The following POMGNT1 variants were observed in gnomAD, a reference collection of about 807,000 sequenced individuals.
POMGNT1 encodes the protein protein O-linked-mannose beta-1,2-N-acetylglucosaminyltransferase 1.
Under a neutral mutation model 95.6 loss-of-function variants are expected in POMGNT1, and 67 were observed. That is an observed-to-expected ratio of 0.70 (90% confidence interval 0.58 to 0.86). POMGNT1 has a LOEUF of 0.86. Among genes scored for constraint, POMGNT1 ranks in the 40% least tolerant of loss-of-function variants. POMGNT1 has a pLI of 0.00. For synonymous variants in POMGNT1, 298 were observed against 317.9 expected, an observed-to-expected ratio of 0.94 and a Z score of 0.66; for missense variants, 719 against 855.2, an observed-to-expected ratio of 0.84 and a Z score of 1.99.
At chr1:46,190,610 G>A (rs1297960483) in intron 18 of POMGNT1, 93 bp from the exon 19 acceptor site, 18 of 1,532,378 alleles carry the variant, frequency 1.2e-5, no homozygotes, top group Non-Finnish European at 1.6e-5. Context: ...ATGGGAATCT[G>A]TAGCCGCAGG....
At chr1:46,192,469 G>A (rs749421960) in intron 15 of POMGNT1, 33 bp from the exon 16 acceptor site, 13 of 1,614,028 alleles carry the variant, frequency 8.1e-6, no homozygotes, top group Non-Finnish European at 1.1e-5. Context: ...GGAGGTATTA[G>A]CTGAGGCCTC....
chr1:46,210,959 T>G (rs1042077243), intron 1 of POMGNT1, among the ~76,000 whole-genome samples: 1 of 150,852 alleles, frequency 6.6e-6, no homozygotes, highest in African/African-American at 2.4e-5. Context: ...TTTTTTTTTT[T>G]GGTAGAGACA....
intron 2 of POMGNT1, 105 bp from the exon 3 acceptor site, chr1:46,197,189 G>T: frequency 6.2e-7 from 1 of 1,602,894 alleles, no homozygotes. Context: ...CAGAGAAACT[G>T]GGTCCTGTCC....
At chr1:46,204,995 C>T (rs1168434001) in intron 1 of POMGNT1, among the ~76,000 whole-genome samples, 3 of 152,162 alleles carry the variant, frequency 2.0e-5, no homozygotes, top group East Asian at 1.9e-4. Flanking sequence ...TGGTGGCTCA[C>T]GCCTGTAATC....
At position 46,197,073 on chromosome 1, in the gene POMGNT1, C is replaced by G. The variant is rs1658306175; in HGVS notation, c.132G>C (p.Val44=). The G allele has an allele frequency of 6.2e-7, 1 of 1,614,166 alleles. No homozygotes were observed. Among genetic ancestry groups the G allele is most frequent in the Non-Finnish European group, 8.5e-7 (1 of 1,180,002 alleles). Residue 44 remains valine (V), a synonymous_variant, in exon 3 of 22, where the codon GTG becomes GTC. Coordinates refer to ENST00000371984, the MANE Select transcript of POMGNT1 (RefSeq NM_017739.4). ...ALRRFCQTGA[V]LFLLVTVIVN... is the part of the protein sequence containing the mutation. ...CAATGACAGTCACCAGCAGGAAAAGCACGGCCCCTGTCTGAGGGGAGGGGT... is the reference window on the plus strand; with the variant it reads ...CAATGACAGTCACCAGCAGGAAAAGGACGGCCCCTGTCTGAGGGGAGGGGT...
intron 1 of POMGNT1, among the ~76,000 whole-genome samples, chr1:46,208,288 A>G (rs1469755347): frequency 2.0e-5 from 3 of 152,168 alleles, no homozygotes; most frequent in African/African-American, 7.2e-5. Context: ...CACAATGCCA[A>G]GCCAACCACA....
intron 1 of POMGNT1, among the ~76,000 whole-genome samples, chr1:46,212,181 G>A (rs1431837770): frequency 6.6e-6 from 1 of 152,152 alleles, no homozygotes; most frequent in Admixed American, 6.5e-5. Context: ...TACTGTGTTT[G>A]TGTGACCTGC....
upstream of POMGNT1, among the ~76,000 whole-genome samples, chr1:46,201,191 G>A (rs1199906354): frequency 6.6e-6 from 1 of 151,238 alleles, no homozygotes; most frequent in Non-Finnish European, 1.5e-5. Context: ...GGATCAAAAA[G>A]TACCAAGGAA....
intron 1 of POMGNT1, among the ~76,000 whole-genome samples, chr1:46,214,445 G>T (rs996393857): frequency 6.6e-6 from 1 of 152,056 alleles, no homozygotes; most frequent in Non-Finnish European, 1.5e-5. Context: ...TATCCTTAAA[G>T]AGATAAAAGA....
intron 20 of POMGNT1, 44 bp from the exon 21 acceptor site, chr1:46,189,611 G>A: frequency 1.9e-6 from 3 of 1,580,848 alleles, no homozygotes; most frequent in Non-Finnish European, 2.6e-6. Context: ...TCAGAGAGCT[G>A]TAGGGAGGGG....
At chr1:46,203,755 C>T (rs1658623957) in intron 1 of POMGNT1, 2 of 812,474 alleles carry the variant, frequency 2.5e-6, no homozygotes, top group Non-Finnish European at 3.7e-6. Context: ...AGAATCCCTC[C>T]CAGATCAATC....
intron 1 of POMGNT1, among the ~76,000 whole-genome samples, chr1:46,208,736 G>T (rs984343987): frequency 3.9e-5 from 6 of 152,136 alleles, no homozygotes; most frequent in Non-Finnish European, 8.8e-5. Context: ...AGCTACTAGG[G>T]AAGCTGAGGC....
At chr1:46,199,090 C>T (rs141475362), upstream of POMGNT1, among the ~76,000 whole-genome samples, 2,938 of 152,176 alleles carry the variant, frequency 0.019, 87 homozygotes, top group African/African-American at 0.065. Context: ...TACGGTCGTG[C>T]GCCACCACAC....
chr1:46,214,075 G>A (rs576914566), intron 1 of POMGNT1, among the ~76,000 whole-genome samples: 1 of 152,126 alleles, frequency 6.6e-6, no homozygotes, highest in African/African-American at 2.4e-5. Flanking sequence ...GCCGGGCATG[G>A]TGGCTCAGGC....
upstream of POMGNT1, among the ~76,000 whole-genome samples, chr1:46,203,061 A>G (rs1658596908): frequency 6.6e-6 from 1 of 151,836 alleles, no homozygotes; most frequent in Non-Finnish European, 1.5e-5. Flanking sequence ...AAACTCCCAC[A>G]TCTCTGACTG....
At chr1:46,214,361 A>G (rs1248317652) in intron 1 of POMGNT1, among the ~76,000 whole-genome samples, 1 of 151,860 alleles carries the variant, frequency 6.6e-6, no homozygotes, top group Non-Finnish European at 1.5e-5. Flanking sequence ...GAAAAAAAAA[A>G]AGGAAAAGAA....
chr1:46,208,090 C>T (rs1296925576), intron 1 of POMGNT1, among the ~76,000 whole-genome samples: 1 of 150,978 alleles, frequency 6.6e-6, no homozygotes, highest in Non-Finnish European at 1.5e-5. Flanking sequence ...GAACTCCTGG[C>T]CTCAAGTGAT....
intron 18 of POMGNT1, 51 bp downstream of exon 18, chr1:46,190,669 G>A (rs375987384): frequency 1.3e-6 from 2 of 1,561,390 alleles, no homozygotes; most frequent in Non-Finnish European, 1.8e-6. Context: ...TTCAGGGACT[G>A]GCCTCCAAAT....
Position 46,193,212 on chromosome 1 carries a change from A to G in POMGNT1, c.1114T>C (p.Tyr372His), listed in dbSNP as rs1209446726. Residue 372 changes from tyrosine (Y) to histidine (H), a missense_variant, in exon 13 of 22, where the codon TAC becomes CAC. Coordinates refer to ENST00000371984, the MANE Select transcript of POMGNT1 (RefSeq NM_017739.4). Reference protein sequence around the residue: ...SIKNARVSQHYKASLTATFNL... With the variant: ...SIKNARVSQHHKASLTATFNL... ...AAAGTGGCAGTGAGGCTGGCCTTGT[A>G]GTGCTGGGAGTGGGGTGGGAATAGG... The G allele has an allele frequency of 3.1e-6, 5 of 1,614,140 alleles. No individual in the cohort carries two copies. Among genetic ancestry groups the G allele is most frequent in the African/African-American group, 1.3e-5 (1 of 75,020 alleles).
Sources: gnomAD v4.1 joint callset for allele counts (sites outside exome capture counted in the v4.1 genomes callset) on GRCh38, gnomAD v4.1.1 for gene constraint, MANE v1.5 for transcripts, NCBI Gene and HGNC (gene_info 2026-07-23, HGNC 2026-07-21) for gene names.